GRID1: variants seen among roughly 807,000 people sequenced by gnomAD.
GRID1 encodes glutamate ionotropic receptor delta type subunit 1.
GRID1 carries 28 observed loss-of-function variants against 98.0 expected under a neutral mutation model. The observed-to-expected ratio is 0.29, with a 90% confidence interval of 0.21 to 0.39. GRID1 has a LOEUF of 0.39. Among genes scored for constraint, GRID1 ranks in the 10% least tolerant of loss-of-function variants. The pLI is 1.00. For synonymous variants in GRID1, 553 were observed against 538.5 expected (o/e 1.03, Z -0.37); for missense variants, 1,111 against 1,340.5 (o/e 0.83, Z 2.67).
intron 12 of GRID1, among the ~76,000 whole-genome samples, chr10:85,656,572 G>A (rs1164779961): frequency 2.0e-5 from 3 of 152,128 alleles, no homozygotes; most frequent in African/African-American, 7.2e-5. Flanking sequence ...TCAAACTTGA[G>A]CTCTTAAATC....
chr10:85,953,126 T>G (rs964236056), intron 4 of GRID1, among the ~76,000 whole-genome samples: 3 of 152,006 alleles, frequency 2.0e-5, no homozygotes, highest in African/African-American at 4.8e-5. Flanking sequence ...TTTAGGGAAG[T>G]CAAAAGTTAT....
chr10:85,835,146 T>C (rs944978748), intron 8 of GRID1, among the ~76,000 whole-genome samples: 5 of 152,202 alleles, frequency 3.3e-5, no homozygotes, highest in African/African-American at 1.2e-4. Flanking sequence ...TAAATGTGTA[T>C]GCTCCAAACA....
At chr10:85,884,370 G>C (rs185762642) in intron 5 of GRID1, among the ~76,000 whole-genome samples, 5 of 152,184 alleles carry the variant, frequency 3.3e-5, no homozygotes, top group Admixed American at 2.6e-4. Flanking sequence ...CTTTGTGACT[G>C]ACTAAACCTC....
intron 4 of GRID1, among the ~76,000 whole-genome samples, chr10:85,986,150 T>C (rs1288844070): frequency 3.9e-5 from 6 of 152,224 alleles, no homozygotes; most frequent in Non-Finnish European, 7.3e-5. Context: ...GTTCGTAACT[T>C]ACGGATGGAT....
chr10:85,959,906 G>A (rs1263261631), intron 4 of GRID1, among the ~76,000 whole-genome samples: 1 of 151,696 alleles, frequency 6.6e-6, no homozygotes, highest in African/African-American at 2.4e-5. Context: ...TTTTAAGACA[G>A]GATCTCACTC....
intron 3 of GRID1, among the ~76,000 whole-genome samples, chr10:86,201,406 T>C (rs1985023): frequency 0.032 from 4,846 of 152,220 alleles, 132 homozygotes; most frequent in African/African-American, 0.061. Flanking sequence ...CAAGCCACTA[T>C]CCTGAGCCAA....
chr10:85,955,179 C>T (rs960078227), intron 4 of GRID1, among the ~76,000 whole-genome samples: 2 of 152,164 alleles, frequency 1.3e-5, no homozygotes, highest in Admixed American at 6.5e-5. Context: ...CTCCCTGTCC[C>T]TTGGATGGTG....
chr10:85,717,002 T>A (rs555066940), intron 12 of GRID1, among the ~76,000 whole-genome samples: 4 of 152,228 alleles, frequency 2.6e-5, no homozygotes, highest in South Asian at 2.1e-4. Context: ...GAGTACAGAA[T>A]TTCAGTTAGG....
At chr10:85,692,677 A>AAAAGAAGAAGAAG (rs1554825170) in intron 12 of GRID1, among the ~76,000 whole-genome samples, 33 of 150,188 alleles carry the variant, frequency 2.2e-4, no homozygotes, top group African/African-American at 7.9e-4. Context: ...AAAAAAAAAA[A>AAAAGAAGAAGAAG]AAGAAGAAGA....
At chr10:85,967,700 C>T (rs941572971) in intron 4 of GRID1, among the ~76,000 whole-genome samples, 3 of 152,098 alleles carry the variant, frequency 2.0e-5, no homozygotes, top group Non-Finnish European at 4.4e-5. Context: ...TCAATCAATG[C>T]TAAGAAGGAG....
chr10:85,666,914 C>T (rs1216752983), intron 12 of GRID1, among the ~76,000 whole-genome samples: 1 of 152,186 alleles, frequency 6.6e-6, no homozygotes, highest in Non-Finnish European at 1.5e-5. Context: ...CTTTCTCCCA[C>T]CTGTCATATT....
intron 5 of GRID1, among the ~76,000 whole-genome samples, chr10:85,898,752 G>A (rs1841333348): frequency 6.6e-6 from 1 of 152,108 alleles, no homozygotes; most frequent in African/African-American, 2.4e-5. Context: ...TGATGACAAT[G>A]CTTTATTCTG....
At chr10:86,172,489 A>G (rs897973661) in intron 3 of GRID1, among the ~76,000 whole-genome samples, 1 of 152,184 alleles carries the variant, frequency 6.6e-6, no homozygotes, top group Admixed American at 6.5e-5. Context: ...CTGCCTCCAG[A>G]GCCCACACTT....
chr10:85,679,171 T>C (rs1841179109), intron 12 of GRID1, among the ~76,000 whole-genome samples: 1 of 152,192 alleles, frequency 6.6e-6, no homozygotes, highest in Non-Finnish European at 1.5e-5. Context: ...ATTCTGCTTA[T>C]CAACCCCAGA....
At chr10:85,896,518 T>C (rs1027868233) in intron 5 of GRID1, among the ~76,000 whole-genome samples, 1 of 152,176 alleles carries the variant, frequency 6.6e-6, no homozygotes, top group Non-Finnish European at 1.5e-5. Flanking sequence ...ATAATCTCTC[T>C]CTTATAAGGT....
chr10:85,952,893 C>G (rs2131844542), intron 4 of GRID1, among the ~76,000 whole-genome samples: 1 of 152,266 alleles, frequency 6.6e-6, no homozygotes, highest in East Asian at 1.9e-4. Context: ...CTTCCTCTTC[C>G]TCAGCTACTC....
intron 2 of GRID1, among the ~76,000 whole-genome samples, chr10:86,258,318 T>C (rs1474575338): frequency 1.3e-5 from 2 of 152,144 alleles, no homozygotes; most frequent in African/African-American, 4.8e-5. Context: ...AGAATCACTG[T>C]TGGAAGCTGT....
At chr10:85,741,833 ACACTGGCCACCTTT>A (rs1308707435) in intron 8 of GRID1, among the ~76,000 whole-genome samples, 1 of 151,882 alleles carries the variant, frequency 6.6e-6, no homozygotes, top group Non-Finnish European at 1.5e-5. Context: ...CACCCCACCG[ACACTGGCCACCTTT>A]CACTTTCTCT....
chr10:86,141,304 A>C (rs188944964), intron 3 of GRID1, among the ~76,000 whole-genome samples: 44 of 152,282 alleles, frequency 2.9e-4, no homozygotes, highest in Admixed American at 2.8e-3. Context: ...GGCCATGGGG[A>C]TCTGTAGCTC....
Sources: allele counts gnomAD v4.1 joint callset (sites outside exome capture counted in the v4.1 genomes callset), GRCh38; gene constraint gnomAD v4.1.1; transcripts MANE v1.5; gene names NCBI Gene and HGNC (gene_info 2026-07-23, HGNC 2026-07-21).